NUP153: variants seen among roughly 807,000 people sequenced by gnomAD.
The protein encoded by NUP153 is nucleoporin 153.
NUP153 carries 27 observed loss-of-function variants against 134.6 expected under a neutral mutation model. The observed-to-expected ratio is 0.20, with a 90% CI of 0.15 to 0.28. NUP153 has a LOEUF of 0.28. NUP153 is among the 10% of genes least tolerant of loss of function. The pLI is 1.00. For missense variants in NUP153, 1,821 were observed against 1,731.3 expected (o/e 1.05, Z -0.92); for synonymous variants, 640 against 623.5 (o/e 1.03, Z -0.40).
Position 17,629,086 on chromosome 6 carries a change from G to C in NUP153, c.3113C>G (p.Thr1038Ser). 6.2e-7 allele frequency: 1 copy of C among 1,614,206 alleles called. No homozygotes were observed. Among genetic ancestry groups the C allele is most frequent in the East Asian group, 2.2e-5 (1 of 44,888 alleles). Residue 1038 changes from threonine to serine, a missense_variant, in exon 18 of 22, where the codon ACC (threonine) becomes AGC (serine). By Grantham distance (58) the Thr-to-Ser change is moderately conservative. Transcript: ENST00000262077. The stretch of plus-strand genomic sequence containing the variant: ...GCTCTTGTTCTCAGAGGTCACTATG[G>C]TGTTAGCAGGAGCAGGGGTGGAGTT... ...VINSTPAPAN[T>S]IVTSENKSSF...
In NUP153 at chr6:17,649,199, T is replaced by A. The variant is rs779164520; in HGVS notation, c.1497A>T (p.Pro499=). Residue 499 remains proline (P), a synonymous_variant, in exon 12 of 22, where the codon CCA becomes CCT. Transcript: ENST00000262077. ...FSSPEITTSS[P]SPINSSQALT... Reference sequence around the variant, plus strand: ...ATGCTTGAGACGAATTGATGGGTGATGGAGAGGAAGTTGTGATCTCAGGGG... The same window carrying A: ...ATGCTTGAGACGAATTGATGGGTGAAGGAGAGGAAGTTGTGATCTCAGGGG... The A allele has an allele frequency of 6.2e-7, 1 of 1,613,970 alleles. No homozygotes were observed. Among genetic ancestry groups the A allele is most frequent in the East Asian group, 2.2e-5 (1 of 44,842 alleles).
intron 1 of NUP153, among the ~76,000 whole-genome samples, chr6:17,698,425 C>A (rs757895762): frequency 2.2e-4 from 33 of 152,006 alleles, no homozygotes; most frequent in Non-Finnish European, 3.4e-4. Context: ...AACCCTGTCT[C>A]TACCGAAAAA....
At chr6:17,647,975 A>G (rs771325788) in intron 12 of NUP153, 70 bp from the exon 13 acceptor site, 2 of 951,416 alleles carry the variant, frequency 2.1e-6, no homozygotes, top group Non-Finnish European at 3.4e-6. Context: ...CAAAAAAGAC[A>G]TTAAGCAAAC....
chr6:17,626,723 T>G (rs1764969041), intron 18 of NUP153, among the ~76,000 whole-genome samples: 13 of 152,206 alleles, frequency 8.5e-5, no homozygotes. Flanking sequence ...CATGGACTGA[T>G]ATTAGTAGGA....
At chr6:17,641,487 A>G (rs1187136984) in intron 14 of NUP153, among the ~76,000 whole-genome samples, 1 of 151,904 alleles carries the variant, frequency 6.6e-6, no homozygotes, top group African/African-American at 2.4e-5. Flanking sequence ...GTGAGCCAAG[A>G]TCGTGCCACT....
At chr6:17,618,775 C>T (rs909548811) in intron 20 of NUP153, among the ~76,000 whole-genome samples, 1 of 152,078 alleles carries the variant, frequency 6.6e-6, no homozygotes, top group African/African-American at 2.4e-5. Context: ...ACCGTGTTAG[C>T]CAGGATGGTC....
At chr6:17,678,225 A>G (rs1489341111) in intron 2 of NUP153, among the ~76,000 whole-genome samples, 1 of 151,846 alleles carries the variant, frequency 6.6e-6, no homozygotes, top group Admixed American at 6.6e-5. Flanking sequence ...GCATGGTGGC[A>G]CACGCCTGTA....
intron 13 of NUP153, 148 bp downstream of exon 13, chr6:17,647,659 A>C (rs2113797693): frequency 1.7e-6 from 1 of 599,352 alleles, no homozygotes; most frequent in East Asian, 2.8e-5. Flanking sequence ...AGAATACATG[A>C]TTGTTCAAAA....
intron 1 of NUP153, among the ~76,000 whole-genome samples, chr6:17,701,313 C>G (rs531464753): frequency 6.6e-6 from 1 of 151,426 alleles, no homozygotes; most frequent in Non-Finnish European, 1.5e-5. Flanking sequence ...CCAGACCACG[C>G]AGTGAGGAGT....
Position 17,628,871 on chromosome 6 carries a change from G to A in NUP153, c.3328C>T (p.Pro1110Ser), listed in dbSNP as rs769230774. Reference protein sequence around the residue: ...LGRTEEKQQEPVTSTSLVFGK... With the variant: ...LGRTEEKQQESVTSTSLVFGK... ...AAAACTAGGGAAGTAGAAGTGACAG[G>A]CTCTTGCTGTTTCTCTTCTGTCCTT... Residue 1110 changes from proline (P) to serine (S), a missense_variant, in exon 18 of 22, where the codon CCT becomes TCT. Transcript: ENST00000262077. This position sits in a 1 kb window ranked among gnomAD's most constrained non-coding sequence, Gnocchi z 5.4. 7.4e-6 allele frequency: 12 copies of A among 1,614,176 alleles called. No homozygotes were observed. In the South Asian group the frequency reaches 1.2e-4, roughly 16 times the overall value.
intron 1 of NUP153, among the ~76,000 whole-genome samples, chr6:17,702,672 G>T (rs1051528519): frequency 6.6e-6 from 1 of 151,474 alleles, no homozygotes; most frequent in Non-Finnish European, 1.5e-5. Flanking sequence ...GCAAAACTCC[G>T]TCTCAAAAAA....
chr6:17,688,417 G>A lies in NUP153; in HGVS notation c.313C>T (p.Pro105Ser), dbSNP rs769264712. ...TTACCTTCTGTATTACTGACTGCTG[G>A]CTCAGGTGTGATTCTCCCATCAGTA... is the stretch of plus-strand genomic sequence containing the variant. ...NITDGRITPE[P>S]AVSNTEEPST... The change falls in exon 2 of 22, where the codon CCA becomes TCA. Residue 105 changes from proline to serine, a missense_variant. Physicochemically the swap from Pro to Ser is moderately conservative, Grantham distance 74. Transcript: ENST00000262077. The A allele has an allele frequency of 6.2e-7, 1 of 1,613,252 alleles. No homozygotes were observed. Among genetic ancestry groups the A allele is most frequent in the Admixed American group, 1.7e-5 (1 of 59,994 alleles).
chr6:17,649,203 G>A lies in NUP153; in HGVS notation c.1493C>T (p.Ser498Phe), dbSNP rs760201967. The A allele has an allele frequency of 1.1e-5, 17 of 1,613,938 alleles. No individual in the cohort carries two copies. Among genetic ancestry groups the A allele is most frequent in the Non-Finnish European group, 1.4e-5 (17 of 1,179,920 alleles). The change falls in exon 12 of 22, where the codon TCT becomes TTT. Residue 498 changes from serine to phenylalanine, a missense_variant. By Grantham distance (155) the Ser-to-Phe change is radical. Transcript: ENST00000262077. ...TTGAGACGAATTGATGGGTGATGGA[G>A]AGGAAGTTGTGATCTCAGGGGAACT... Reference protein sequence around the residue: ...NFSSPEITTSSPSPINSSQAL... With the variant: ...NFSSPEITTSFPSPINSSQAL...
chr6:17,626,309 G>A (rs914774775), intron 18 of NUP153, 145 bp from the exon 19 acceptor site: 13 of 621,898 alleles, frequency 2.1e-5, no homozygotes, highest in Non-Finnish European at 3.4e-5. Flanking sequence ...TCATCAAATG[G>A]ACATCTGTTT....
At chr6:17,616,779 T>TAGC in intron 20 of NUP153, 84 bp from the exon 21 acceptor site, 1 of 1,348,328 alleles carries the variant, frequency 7.4e-7, no homozygotes, top group South Asian at 1.3e-5. Context: ...AGACGGAGTC[T>TAGC]CGCTCTCTTG....
At position 17,648,911 on chromosome 6, in the gene NUP153, T is replaced by C. The variant is rs146495938; in HGVS notation, c.1533+252A>G. 1.8e-3 allele frequency among the ~76,000 whole-genome samples: 279 copies of C among 152,292 alleles called. 1 individual carries two copies. The highest frequency in any genetic ancestry group is 6.3e-3 in the African/African-American group (262 of 41,572). ...CCCAAAAAGCATCTTACTGGAAACA[T>C]TATTTGGAAACAAATTTACAAGAAT... On this transcript the variant is annotated intron_variant, in intron 12 of 21. Coordinates refer to ENST00000262077, the MANE Select transcript of NUP153 (RefSeq NM_005124.4).
At chr6:17,648,015 T>G in intron 12 of NUP153, 110 bp from the exon 13 acceptor site, 2 of 683,596 alleles carry the variant, frequency 2.9e-6, no homozygotes, top group Non-Finnish European at 2.5e-6. Context: ...AAGTATTTTT[T>G]CCTTTTAAAT....
chr6:17,672,938 T>C (rs550276091), intron 5 of NUP153, among the ~76,000 whole-genome samples: 18 of 152,084 alleles, frequency 1.2e-4, no homozygotes, highest in African/African-American at 3.1e-4. Flanking sequence ...ACTATAAAAC[T>C]TGTAGAAGAA....
chr6:17,634,112 C>G (rs185194753), intron 16 of NUP153, among the ~76,000 whole-genome samples: 4 of 152,052 alleles, frequency 2.6e-5, no homozygotes, highest in Non-Finnish European at 4.4e-5. Context: ...ATGAACCCCC[C>G]CCATTACTCC....
Sources: allele counts gnomAD v4.1 joint callset (sites outside exome capture counted in the v4.1 genomes callset), GRCh38; gene constraint gnomAD v4.1.1; non-coding constraint Gnocchi (gnomAD v3.1); transcripts MANE v1.5; gene names NCBI Gene and HGNC (gene_info 2026-07-23, HGNC 2026-07-21).